Variants in PRKCE observed in about 807,000 individuals in gnomAD.
PRKCE encodes the protein protein kinase C epsilon type.
A neutral mutation model predicts 85.4 loss-of-function variants in PRKCE; 16 were observed. The observed-to-expected ratio is 0.19, with a 90% CI of 0.13 to 0.28. The LOEUF (loss-of-function observed/expected upper bound fraction) is 0.28, where lower values mean the gene tolerates loss of function less well. PRKCE is among the 10% of genes least tolerant of loss of function. The pLI is 1.00. For missense variants in PRKCE, 573 were observed against 975.2 expected (o/e 0.59, Z 5.49); for synonymous variants, 388 against 371.5 (o/e 1.04, Z -0.51).
Position 46,184,165 on chromosome 2 carries a change from A to C in PRKCE, c.2068-570A>C, listed in dbSNP as rs148471396. Among the ~76,000 whole-genome samples, 1 of 152,186 alleles carries C rather than the reference A, an allele frequency of 6.6e-6. No homozygotes were observed. The highest frequency in any genetic ancestry group is 1.5e-5 in the Non-Finnish European group (1 of 68,034). On this transcript the variant is annotated intron_variant, in intron 14 of 14. Transcript: ENST00000306156. The surrounding 1 kb of genome is among the most constrained non-coding windows in gnomAD (Gnocchi z 5.0). ...GTCTAGACAAAAGCATAAAAACGTC[A>C]TTGCAAGTCAATGTGCTGAGTTTAA...
At chr2:45,868,331 A>AAC (rs1350692114) in intron 2 of PRKCE, among the ~76,000 whole-genome samples, 4 of 146,694 alleles carry the variant, frequency 2.7e-5, no homozygotes, top group African/African-American at 7.8e-5. Flanking sequence ...AAAAAAAAAA[A>AAC]AAAAAAAAAA....
At chr2:45,836,777 G>T (rs1690916379) in intron 1 of PRKCE, among the ~76,000 whole-genome samples, 1 of 152,210 alleles carries the variant, frequency 6.6e-6, no homozygotes, top group South Asian at 2.1e-4. Context: ...CACAGCAGTA[G>T]ATTATCTAGG....
At chr2:45,866,338 C>T (rs953471187) in intron 2 of PRKCE, among the ~76,000 whole-genome samples, 4 of 152,018 alleles carry the variant, frequency 2.6e-5, no homozygotes, top group Admixed American at 6.6e-5. Flanking sequence ...GATGGAATCT[C>T]GCTCTGTTAC....
At chr2:46,118,086 G>A (rs1309940160) in intron 11 of PRKCE, among the ~76,000 whole-genome samples, 1 of 152,158 alleles carries the variant, frequency 6.6e-6, no homozygotes, top group Non-Finnish European at 1.5e-5. Context: ...AAGAAAAAAT[G>A]TTGACCAATA....
At position 45,825,969 on chromosome 2, in the gene PRKCE, C is replaced by G. The variant is rs531419761; in HGVS notation, c.349-17031C>G. ...TGATAGACTTAGGTTTTTTTGCCAT[C>G]TCTTTAGAAGATATACAGAAAGTTA... On this transcript the variant is annotated intron_variant, in intron 1 of 14. Coordinates refer to ENST00000306156, the MANE Select transcript of PRKCE (RefSeq NM_005400.3). Among the ~76,000 whole-genome samples the G allele has an allele frequency of 4.6e-5, 7 of 152,242 alleles. 1 individual carries two copies. The highest frequency in any genetic ancestry group is 1.9e-4 in the East Asian group (1 of 5,180).
chr2:45,942,771 T>G (rs1261644366), intron 2 of PRKCE, among the ~76,000 whole-genome samples: 1 of 152,226 alleles, frequency 6.6e-6, no homozygotes, highest in Non-Finnish European at 1.5e-5. Context: ...ATAAAATGAA[T>G]TATAATGCAT....
intron 2 of PRKCE, among the ~76,000 whole-genome samples, chr2:45,861,213 G>T (rs1432667603): frequency 6.6e-6 from 1 of 152,102 alleles, no homozygotes; most frequent in African/African-American, 2.4e-5. Flanking sequence ...TAGGGGTAGG[G>T]GTGGGCTTGA....
intron 1 of PRKCE, among the ~76,000 whole-genome samples, chr2:45,671,845 G>T (rs1048930465): frequency 2.0e-5 from 3 of 152,074 alleles, no homozygotes; most frequent in South Asian, 4.1e-4. Context: ...GAGGCAGGGG[G>T]ATTGCTTGAG....
chr2:45,715,823 T>C (rs887124231), intron 1 of PRKCE, among the ~76,000 whole-genome samples: 2 of 152,300 alleles, frequency 1.3e-5, no homozygotes, highest in South Asian at 4.1e-4. Context: ...TTGGGACAGG[T>C]TGAGCAGTGT....
chr2:45,705,457 G>A (rs529902912), intron 1 of PRKCE, among the ~76,000 whole-genome samples: 3 of 152,330 alleles, frequency 2.0e-5, no homozygotes, highest in African/African-American at 7.2e-5. Flanking sequence ...TCCAGAGGAG[G>A]CGGGGTGTAA....
chr2:45,722,312 A>G (rs1304534418), intron 1 of PRKCE, among the ~76,000 whole-genome samples: 5 of 152,196 alleles, frequency 3.3e-5, no homozygotes, highest in African/African-American at 1.2e-4. Flanking sequence ...AGTCAGCTGG[A>G]TTCTTTTATT....
At chr2:45,994,041 G>T (rs2104672218) in intron 6 of PRKCE, among the ~76,000 whole-genome samples, 1 of 152,182 alleles carries the variant, frequency 6.6e-6, no homozygotes, top group East Asian at 1.9e-4. Context: ...AGGTGACCAG[G>T]TTATGTAGAG....
intron 13 of PRKCE, among the ~76,000 whole-genome samples, chr2:46,151,846 C>T (rs1259176213): frequency 1.3e-5 from 2 of 152,384 alleles, no homozygotes; most frequent in African/African-American, 4.8e-5. Flanking sequence ...TTTCTCAGCA[C>T]AGCCATCTCT....
intron 2 of PRKCE, among the ~76,000 whole-genome samples, chr2:45,913,415 G>A (rs1020186398): frequency 6.6e-6 from 1 of 152,234 alleles, no homozygotes; most frequent in African/African-American, 2.4e-5. Context: ...CTCCCAGAGT[G>A]CTTGGATTAT....
At chr2:46,086,410 A>G (rs1574433734) in intron 11 of PRKCE, 48 bp downstream of exon 11, 1 of 1,581,106 alleles carries the variant, frequency 6.3e-7, no homozygotes, top group Non-Finnish European at 8.6e-7. Context: ...AAAATAAAGG[A>G]TGCTTCAGAC....
At chr2:45,960,032 C>T (rs1701272500) in intron 2 of PRKCE, among the ~76,000 whole-genome samples, 1 of 152,154 alleles carries the variant, frequency 6.6e-6, no homozygotes, top group Non-Finnish European at 1.5e-5. Context: ...TCATTTTTCA[C>T]ATCGTTTTTT....
chr2:45,969,648 C>T (rs1701977278), intron 2 of PRKCE, among the ~76,000 whole-genome samples: 1 of 152,168 alleles, frequency 6.6e-6, no homozygotes. Context: ...AAGCAACCCC[C>T]CACTCCTGCA....
chr2:45,693,271 G>A (rs924081160), intron 1 of PRKCE, among the ~76,000 whole-genome samples: 1 of 152,206 alleles, frequency 6.6e-6, no homozygotes, highest in African/African-American at 2.4e-5. Flanking sequence ...TTGAAAGGAA[G>A]ATAAGTTTGC....
At chr2:46,082,381 GA>G (rs970504437) in intron 10 of PRKCE, among the ~76,000 whole-genome samples, 3 of 152,160 alleles carry the variant, frequency 2.0e-5, no homozygotes, top group African/African-American at 7.2e-5. Flanking sequence ...GGCTGAGGGA[GA>G]GAGAGGTATT....
Sources: allele counts gnomAD v4.1 joint callset (sites outside exome capture counted in the v4.1 genomes callset), GRCh38; gene constraint gnomAD v4.1.1; non-coding constraint Gnocchi (gnomAD v3.1); transcripts MANE v1.5; gene names NCBI Gene and HGNC (gene_info 2026-07-23, HGNC 2026-07-21).